THAP4: variants seen among roughly 807,000 people sequenced by gnomAD.
THAP4 encodes the protein peroxynitrite isomerase THAP4.
THAP4 carries 18 observed loss-of-function variants against 48.1 expected under a neutral mutation model. That is an observed-to-expected ratio of 0.37 (90% confidence interval 0.26 to 0.56). THAP4 has a LOEUF of 0.56. THAP4 is among the 20% of genes least tolerant of loss of function. THAP4 has a pLI of 0.78. For missense variants in THAP4, 656 were observed against 774.9 expected (o/e 0.85, Z 1.82); for synonymous variants, 345 against 324.9 (o/e 1.06, Z -0.66).
At chr2:241,628,645 T>C (rs1575038652) in intron 2 of THAP4, among the ~76,000 whole-genome samples, 1 of 143,960 alleles carries the variant, frequency 6.9e-6, no homozygotes, top group Admixed American at 7.0e-5. Context: ...AGCGCCCCCC[T>C]CAAAACTGTA....
At chr2:241,629,327 C>T (rs781398621) in intron 2 of THAP4, among the ~76,000 whole-genome samples, 11 of 151,704 alleles carry the variant, frequency 7.3e-5, no homozygotes, top group African/African-American at 1.2e-4. Flanking sequence ...AAAAATTAGC[C>T]GGATGTGGTG....
intron 1 of THAP4, among the ~76,000 whole-genome samples, chr2:241,635,878 A>G (rs893635006): frequency 6.6e-6 from 1 of 152,208 alleles, no homozygotes; most frequent in Non-Finnish European, 1.5e-5. Context: ...GTGGACCAGG[A>G]CAAATCCTAA....
chr2:241,598,562 T>G (rs1260567687), intron 5 of THAP4, among the ~76,000 whole-genome samples: 1 of 152,200 alleles, frequency 6.6e-6, no homozygotes, highest in Admixed American at 6.5e-5. Flanking sequence ...GGGATGAAAC[T>G]GTTCCATCTT....
intron 2 of THAP4, among the ~76,000 whole-genome samples, chr2:241,632,655 C>A (rs915854207): frequency 7.9e-5 from 12 of 152,240 alleles, no homozygotes; most frequent in Non-Finnish European, 1.6e-4. Flanking sequence ...TTCAGGCACT[C>A]CTGGCTGACG....
At chr2:241,613,767 A>G (rs2067306139) in intron 2 of THAP4, among the ~76,000 whole-genome samples, 1 of 152,258 alleles carries the variant, frequency 6.6e-6, no homozygotes, top group East Asian at 1.9e-4. Context: ...AAACAAAACA[A>G]AAACAAAACA....
rs1230304598 is a variant in THAP4 at position 241,610,593 on chromosome 2, C to T, written c.1241-4120G>A. 6.6e-6 allele frequency among the ~76,000 whole-genome samples: 1 copy of T among 152,188 alleles called. No individual in the cohort carries two copies. Among genetic ancestry groups the T allele is most frequent in the African/African-American group, 2.4e-5 (1 of 41,458 alleles). On this transcript the variant is annotated intron_variant, in intron 2 of 5. Transcript: ENST00000407315. The surrounding 1 kb of genome is among the most constrained non-coding windows in gnomAD (Gnocchi z 4.2). The stretch of plus-strand genomic sequence containing the variant: ...CCCGGAGGCCCCGCCCTCCCCACTC[C>T]TGCTTCCCCAGCCACGGGGTCTTCT...
intron 3 of THAP4, among the ~76,000 whole-genome samples, chr2:241,605,037 T>G (rs963754641): frequency 2.0e-5 from 3 of 152,240 alleles, no homozygotes; most frequent in Non-Finnish European, 4.4e-5. Context: ...CTTCGAATGC[T>G]AGTCACAAAA....
At chr2:241,587,842 G>A (rs1330303921) in intron 5 of THAP4, among the ~76,000 whole-genome samples, 7 of 152,102 alleles carry the variant, frequency 4.6e-5, no homozygotes, top group South Asian at 4.2e-4. Flanking sequence ...TTGAACTGGC[G>A]AGGTGGGGGT....
chr2:241,592,805 C>G (rs945074191), intron 5 of THAP4, among the ~76,000 whole-genome samples: 25 of 152,182 alleles, frequency 1.6e-4, no homozygotes, highest in African/African-American at 5.8e-4. Context: ...TCCTGACAGC[C>G]AAGGAGGGAA....
intron 5 of THAP4, among the ~76,000 whole-genome samples, chr2:241,590,973 C>G (rs2066967481): frequency 6.8e-6 from 1 of 146,802 alleles, no homozygotes. Flanking sequence ...ATGATGGGCA[C>G]TAGGACACTC....
chr2:241,592,161 A>G (rs1032106693), intron 5 of THAP4: 2 of 152,216 alleles, frequency 1.3e-5, no homozygotes, highest in Non-Finnish European at 2.9e-5. Flanking sequence ...CCACCCACAT[A>G]AGGCAGGAAG....
intron 5 of THAP4, among the ~76,000 whole-genome samples, chr2:241,599,502 GAAA>G (rs1575021936): frequency 6.6e-6 from 1 of 151,984 alleles, no homozygotes; most frequent in African/African-American, 2.4e-5. Context: ...GATTAAATGG[GAAA>G]AAATCTATTT....
chr2:241,603,795 G>A (rs1432948904), intron 3 of THAP4, among the ~76,000 whole-genome samples: 1 of 152,122 alleles, frequency 6.6e-6, no homozygotes, highest in East Asian at 1.9e-4. Flanking sequence ...TTCATCATTA[G>A]TGCAAATTCT....
chr2:241,598,031 G>C (rs1269867515), intron 5 of THAP4, among the ~76,000 whole-genome samples: 1 of 149,136 alleles, frequency 6.7e-6, no homozygotes, highest in Non-Finnish European at 1.5e-5. Flanking sequence ...TGACAAGTAT[G>C]ATCAAGAAAA....
rs6717521 is a variant in THAP4 at position 241,585,625 on chromosome 2, C to T, written c.1615-900G>A. Among the ~76,000 whole-genome samples, 973 of 152,014 alleles carry T rather than the reference C, an allele frequency of 6.4e-3. 17 individuals carry two copies. The highest frequency in any genetic ancestry group is 0.022 in the African/African-American group (923 of 41,454). On this transcript the variant is annotated intron_variant, in intron 5 of 5. Transcript: ENST00000407315. The stretch of plus-strand genomic sequence containing the variant: ...AACTGGCCCCGATGCTTTTGCTGCC[C>T]GGAAGTCAAGGGGTTCAAGGGGTGG...
chr2:241,584,893 CCAGGTGCCCTT>C (rs1226694564), intron 5 of THAP4, 168 bp from the exon 6 acceptor site: 1 of 774,078 alleles, frequency 1.3e-6, no homozygotes, highest in East Asian at 2.5e-5. Flanking sequence ...ATGTCACAAT[CCAGGTGCCCTT>C]CAGCTGCCTC....
intron 2 of THAP4, among the ~76,000 whole-genome samples, chr2:241,624,238 A>G (rs1488527986): frequency 1.3e-5 from 2 of 152,264 alleles, no homozygotes; most frequent in Non-Finnish European, 1.5e-5. Context: ...CTATAATCCC[A>G]GCACTGTGGG....
chr2:241,619,491 G>A (rs138944008), intron 2 of THAP4, among the ~76,000 whole-genome samples: 10 of 152,368 alleles, frequency 6.6e-5, no homozygotes, highest in Non-Finnish European at 1.2e-4. Flanking sequence ...GTGTGTTACT[G>A]AATACTGTAG....
intron 2 of THAP4, among the ~76,000 whole-genome samples, chr2:241,629,471 T>C (rs1327158635): frequency 2.2e-5 from 3 of 138,906 alleles, no homozygotes; most frequent in Non-Finnish European, 4.6e-5. Flanking sequence ...GCCCTGTCTC[T>C]TAAAAAAAAA....
Sources: allele counts gnomAD v4.1 joint callset (sites outside exome capture counted in the v4.1 genomes callset), GRCh38; gene constraint gnomAD v4.1.1; non-coding constraint Gnocchi (gnomAD v3.1); transcripts MANE v1.5; gene names NCBI Gene and HGNC (gene_info 2026-07-23, HGNC 2026-07-21).